The following CDK13 variants were observed in gnomAD, a reference collection of about 807,000 sequenced individuals.
The protein encoded by CDK13 is cyclin-dependent kinase 13.
In CDK13, 40 loss-of-function variants were observed where a neutral mutation model predicts 137.6. The observed-to-expected ratio is 0.29, with a 90% confidence interval of 0.23 to 0.38. CDK13 has a LOEUF of 0.38. CDK13 is among the 10% of genes least tolerant of loss of function. The probability of loss-of-function intolerance (pLI) is 1.00; values close to 1 mark genes in which losing one functional copy is unlikely to be tolerated. For synonymous variants in CDK13, 869 were observed against 760.1 expected, an observed-to-expected ratio of 1.14 and a Z score of -2.36; for missense variants, 1,704 against 1,951.8, an observed-to-expected ratio of 0.87 and a Z score of 2.39.
Position 39,951,508 on chromosome 7 carries a change from G to T in CDK13, c.867G>T (p.Pro289=). The T allele has an allele frequency of 6.5e-7, 1 of 1,533,666 alleles. No homozygotes were observed. The highest frequency in any genetic ancestry group is 8.8e-7 in the Non-Finnish European group (1 of 1,142,046). ...HRSRTKSSKE[P]PSAYKEPPKA... Reference sequence around the variant, plus strand: ...GCCGGACTAAGTCGTCCAAGGAGCCGCCTTCGGCCTACAAGGAACCGCCCA... The same window carrying T: ...GCCGGACTAAGTCGTCCAAGGAGCCTCCTTCGGCCTACAAGGAACCGCCCA... Residue 289 remains proline (P), a synonymous_variant, in exon 1 of 14, where the codon CCG becomes CCT. Coordinates refer to ENST00000181839, the MANE Select transcript of CDK13 (RefSeq NM_003718.5).
At chr7:40,037,170 TC>T (rs1785503404) in intron 5 of CDK13, among the ~76,000 whole-genome samples, 1 of 152,226 alleles carries the variant, frequency 6.6e-6, no homozygotes, top group African/African-American at 2.4e-5. Context: ...AGATACAAAT[TC>T]AATTCTTTGG....
intron 9 of CDK13, among the ~76,000 whole-genome samples, chr7:40,076,526 G>A (rs1786548015): frequency 6.6e-6 from 1 of 152,016 alleles, no homozygotes; most frequent in African/African-American, 2.4e-5. Flanking sequence ...CATGCTACAG[G>A]AGTTGGGCTT....
At chr7:40,032,542 A>C (rs1237948280) in intron 5 of CDK13, among the ~76,000 whole-genome samples, 1 of 152,216 alleles carries the variant, frequency 6.6e-6, no homozygotes, top group Non-Finnish European at 1.5e-5. Context: ...TCTTTGATCC[A>C]TTTTGAGTTA....
chr7:40,028,258 C>T (rs1401914556), intron 5 of CDK13, among the ~76,000 whole-genome samples: 14 of 136,932 alleles, frequency 1.0e-4, no homozygotes, highest in Admixed American at 3.1e-4. Flanking sequence ...CTCACTCTGT[C>T]GCCAGGCTGG....
intron 1 of CDK13, among the ~76,000 whole-genome samples, chr7:39,965,202 C>T (rs1435960572): frequency 3.3e-5 from 5 of 152,254 alleles, no homozygotes; most frequent in Non-Finnish European, 7.3e-5. Flanking sequence ...TCTCGTTGAT[C>T]TGTCTAATGT....
In CDK13 at chr7:40,095,565, C is replaced by T. The variant is rs17538342; in HGVS notation, c.*585C>T. 0.11 allele frequency: 17,237 copies of T among 150,294 alleles called. 1,095 individuals carry two copies. The highest frequency in any genetic ancestry group is 0.17 in the Middle Eastern group (48 of 290). The allele number at this position is 150,294 out of a possible 1,614,324, so 9.3% of individuals were successfully genotyped here. On this transcript the variant is annotated 3_prime_UTR_variant, in exon 14 of 14. Transcript: ENST00000181839. ...GTTTTATAAAAAAAAAAATGGTCAACGTTATTTTTGTTTTGTTTTGCAGAT... is the reference window on the plus strand; with the variant it reads ...GTTTTATAAAAAAAAAAATGGTCAATGTTATTTTTGTTTTGTTTTGCAGAT...
intron 5 of CDK13, among the ~76,000 whole-genome samples, chr7:40,002,969 C>T (rs1312826119): frequency 1.3e-5 from 2 of 151,350 alleles, no homozygotes; most frequent in African/African-American, 4.9e-5. Context: ...GTTCCATTTA[C>T]TCAGGAGGCT....
At chr7:40,029,966 A>G (rs1247901319) in intron 5 of CDK13, among the ~76,000 whole-genome samples, 1 of 152,042 alleles carries the variant, frequency 6.6e-6, no homozygotes, top group African/African-American at 2.4e-5. Flanking sequence ...TTAGATTCTT[A>G]CTGTCTGAAG....
rs538764729 is a variant in CDK13 at position 40,070,916 on chromosome 7, A to G, written c.2781-7089A>G. 12 of 152,360 alleles carry G rather than the reference A, an allele frequency of 7.9e-5. No individual in the cohort carries two copies. In the East Asian group the frequency reaches 2.3e-3, roughly 29 times the overall value. The allele number at this position is 152,360 out of a possible 1,614,324, so 9.4% of individuals were successfully genotyped here. ...TTATATCACACAATGTACATTGCTT[A>G]TGAGATAAAAAGGATTATAATCAGT... On this transcript the variant is annotated intron_variant, in intron 9 of 13. Transcript: ENST00000181839.
Position 40,088,132 on chromosome 7 carries a change from T to G in CDK13, c.3036T>G (p.Pro1012=). ...ATTCCTTTTTTTTTTTCAGTCTCCCTTTATGGCAAGATTGTCATGAGTTAT... is the reference window on the plus strand; with the variant it reads ...ATTCCTTTTTTTTTTTCAGTCTCCCGTTATGGCAAGATTGTCATGAGTTAT... ...EPSKMPPPDL[P]LWQDCHELWS... The change falls in exon 12 of 14, where the codon CCT becomes CCG. Residue 1012 remains proline (P), a synonymous_variant. Transcript: ENST00000181839. 1 of 1,613,306 alleles carries G rather than the reference T, an allele frequency of 6.2e-7. No homozygotes were observed. The highest frequency in any genetic ancestry group is 8.5e-7 in the Non-Finnish European group (1 of 1,179,448).
At chr7:40,092,004 G>A (rs1786935340) in intron 12 of CDK13, among the ~76,000 whole-genome samples, 1 of 151,854 alleles carries the variant, frequency 6.6e-6, no homozygotes, top group Admixed American at 6.6e-5. Flanking sequence ...ACTGAAAGTT[G>A]GAAAAACAAC....
At chr7:39,971,287 G>A (rs1037972759) in intron 1 of CDK13, among the ~76,000 whole-genome samples, 3 of 152,060 alleles carry the variant, frequency 2.0e-5, no homozygotes, top group Admixed American at 6.5e-5. Context: ...GGAGGCTAGG[G>A]CAGCAGATCA....
intron 5 of CDK13, among the ~76,000 whole-genome samples, chr7:40,027,860 A>G (rs1285874366): frequency 6.6e-6 from 1 of 152,038 alleles, no homozygotes; most frequent in Non-Finnish European, 1.5e-5. Context: ...GTGTGAGGGT[A>G]ATCATCTTGA....
intron 2 of CDK13, among the ~76,000 whole-genome samples, chr7:39,996,814 T>G (rs564665459): frequency 2.6e-5 from 4 of 151,604 alleles, no homozygotes; most frequent in Non-Finnish European, 5.9e-5. Flanking sequence ...AATACAAAAA[T>G]TAGCTGGTTG....
At chr7:40,032,457 C>T (rs537447466) in intron 5 of CDK13, among the ~76,000 whole-genome samples, 10 of 152,286 alleles carry the variant, frequency 6.6e-5, no homozygotes, top group Non-Finnish European at 1.0e-4. Flanking sequence ...TTGTATAAAA[C>T]GTCATTGCCA....
rs1437935236 is a variant in CDK13, at chr7:40,085,956, C to T, written c.3030-2170C>T. On this transcript the variant is annotated intron_variant, in intron 11 of 13. Transcript: ENST00000181839. ...ATACTGTAATCATATTACCCCTACC[C>T]CCACCAACCTATCCCCTTGCCTTCC... is the stretch of plus-strand genomic sequence containing the variant. Among the ~76,000 whole-genome samples the T allele has an allele frequency of 5.3e-5, 8 of 152,236 alleles. No individual in the cohort carries two copies. The South Asian group carries it at 1.5e-3, about 28-fold the overall frequency.
chr7:39,994,490 A>G (rs1362971962), intron 2 of CDK13, among the ~76,000 whole-genome samples: 3 of 152,102 alleles, frequency 2.0e-5, no homozygotes, highest in African/African-American at 7.2e-5. Context: ...GATACATTCT[A>G]TATTGGCTCC....
chr7:40,069,151 C>T (rs560679388), intron 9 of CDK13, among the ~76,000 whole-genome samples: 2 of 152,252 alleles, frequency 1.3e-5, no homozygotes, highest in South Asian at 2.1e-4. Flanking sequence ...AAGGATCACC[C>T]GAACCCAAGG....
In CDK13 at chr7:40,047,866, C is replaced by T; in HGVS notation, c.2589C>T (p.Ser863=). 1 of 1,607,136 alleles carries T rather than the reference C, an allele frequency of 6.2e-7. No individual in the cohort carries two copies. The highest frequency in any genetic ancestry group is 1.1e-5 in the South Asian group (1 of 90,878). ...ACTTTGGACTTGCTCGATTGTATAG[C>T]TCAGAAGAAAGGTAAGCATACCTTC... is the stretch of plus-strand genomic sequence containing the variant. ...LADFGLARLY[S]SEESRPYTNK... The change falls in exon 7 of 14, where the codon AGC becomes AGT. Residue 863 remains serine (S), a synonymous_variant. Coordinates refer to ENST00000181839, the MANE Select transcript of CDK13 (RefSeq NM_003718.5).
Sources: allele counts gnomAD v4.1 joint callset (sites outside exome capture counted in the v4.1 genomes callset), GRCh38; gene constraint gnomAD v4.1.1; transcripts MANE v1.5; gene names NCBI Gene and HGNC (gene_info 2026-07-23, HGNC 2026-07-21).